The following GATB variants were observed in gnomAD, a reference collection of about 807,000 sequenced individuals.
GATB encodes the protein glutamyl-tRNA(Gln) amidotransferase subunit B, mitochondrial.
GATB carries 39 observed loss-of-function variants against 62.3 expected under a neutral mutation model. The observed-to-expected ratio is 0.63, with a 90% CI of 0.48 to 0.82. GATB has a LOEUF of 0.82. GATB is among the 40% of genes least tolerant of loss of function. GATB has a pLI of 0.00. For missense variants in GATB, 670 were observed against 684.0 expected (o/e 0.98, Z 0.23); for synonymous variants, 276 against 258.9 (o/e 1.07, Z -0.63).
At chr4:151,695,930 ATTTT>A (rs57028979) in intron 9 of GATB, among the ~76,000 whole-genome samples, 1 of 122,850 alleles carries the variant, frequency 8.1e-6, no homozygotes, top group African/African-American at 3.3e-5. Context: ...GCTAATTTAA[ATTTT>A]TTTTTTTTTT....
intron 9 of GATB, among the ~76,000 whole-genome samples, chr4:151,690,925 T>C (rs1020270132): frequency 3.3e-5 from 5 of 152,188 alleles, no homozygotes; most frequent in African/African-American, 1.2e-4. Context: ...CAGGAAATGA[T>C]GGATCAATAA....
At chr4:151,684,546 G>C (rs1230660254) in intron 10 of GATB, among the ~76,000 whole-genome samples, 1 of 152,184 alleles carries the variant, frequency 6.6e-6, no homozygotes, top group Non-Finnish European at 1.5e-5. Flanking sequence ...TAGTTTTGCA[G>C]CTACTGCCCT....
intron 11 of GATB, among the ~76,000 whole-genome samples, chr4:151,678,075 CA>C (rs975546988): frequency 6.6e-6 from 1 of 151,802 alleles, no homozygotes; most frequent in African/African-American, 2.4e-5. Context: ...CCCAGAAAAT[CA>C]GTAATTTCCT....
At position 151,760,963 on chromosome 4, in the gene GATB, C is replaced by A. The variant is rs199634927; in HGVS notation, c.20G>T (p.Arg7Leu). 1.2e-6 allele frequency: 2 copies of A among 1,612,040 alleles called. No individual in the cohort carries two copies. The highest frequency in any genetic ancestry group is 1.1e-5 in the South Asian group (1 of 90,750). ...CCAACGTCTTCCACGGCAGCCCCAG[C>A]GCAGCATGGGCGCCGCCATTGTAAC... Reference protein sequence around the residue: MAAPMLRWGCRGRRWAF... With the variant: MAAPMLLWGCRGRRWAF... The change falls in exon 1 of 13, where the codon CGC becomes CTC. Residue 7 changes from arginine (R) to leucine (L), a missense_variant. Physicochemically the swap from Arg to Leu is moderately radical, Grantham distance 102 (BLOSUM62 -2). Coordinates refer to ENST00000263985, the MANE Select transcript of GATB (RefSeq NM_004564.3).
chr4:151,708,052 C>T lies in GATB; in HGVS notation c.813G>A (p.Glu271=). Reference sequence around the variant, plus strand: ...TCACTTCCGTTCGAACGCCCAAAGGCTCCCCAGGGTGATGCACGGATATAT... The same window carrying T: ...TCACTTCCGTTCGAACGCCCAAAGGTTCCCCAGGGTGATGCACGGATATAT... ...DANISVHHPG[E]PLGVRTEVKN... The change falls in exon 6 of 13, where the codon GAG becomes GAA. Residue 271 remains glutamate, a synonymous_variant. Transcript: ENST00000263985. 6.2e-7 allele frequency: 1 copy of T among 1,614,172 alleles called. No homozygotes were observed. Among genetic ancestry groups the T allele is most frequent in the East Asian group, 2.2e-5 (1 of 44,880 alleles).
chr4:151,690,636 T>C (rs182216577), intron 9 of GATB, among the ~76,000 whole-genome samples: 4 of 152,330 alleles, frequency 2.6e-5, no homozygotes, highest in South Asian at 2.1e-4. Context: ...CCTAGAAATA[T>C]TGCACTTAAA....
chr4:151,734,682 T>G lies in GATB; in HGVS notation c.328-15144A>C, dbSNP rs527661625. ...GGCATCACACTACCTGATTTTAAAC[T>G]ATACTATAAGGCCACAGTCACCAAC... On this transcript the variant is annotated intron_variant, in intron 2 of 12. Transcript: ENST00000263985. Among the ~76,000 whole-genome samples the G allele has an allele frequency of 3.3e-5, 5 of 152,260 alleles. No individual in the cohort carries two copies. The East Asian group carries it at 9.6e-4, about 29-fold the overall frequency.
intron 6 of GATB, among the ~76,000 whole-genome samples, chr4:151,707,277 C>T (rs1246736362): frequency 6.6e-6 from 1 of 152,090 alleles, no homozygotes; most frequent in Non-Finnish European, 1.5e-5. Context: ...CTCAAGTCTG[C>T]TTTGAATTCA....
chr4:151,670,872 T>G lies in GATB; in HGVS notation c.*302A>C, dbSNP rs1737841411. 2 of 286,742 alleles carry G rather than the reference T, an allele frequency of 7.0e-6. No homozygotes were observed. The highest frequency in any genetic ancestry group is 2.1e-5 in the African/African-American group (1 of 47,340). 17.8% of individuals were successfully genotyped at this position (286,742 alleles called of 1,614,324 possible). On this transcript the variant is annotated 3_prime_UTR_variant, in exon 13 of 13. Transcript: ENST00000263985. ...GGTAACAGTATCTCCAACATACATT[T>G]TATTTAGTTTAAAATTCCTTAATAC...
At chr4:151,699,027 G>A (rs1335194112) in intron 9 of GATB, among the ~76,000 whole-genome samples, 1 of 151,430 alleles carries the variant, frequency 6.6e-6, no homozygotes, top group African/African-American at 2.4e-5. Context: ...TTCTTGGAAG[G>A]CAAAAAAAAT....
At position 151,758,794 on chromosome 4, in the gene GATB, G is replaced by A. The variant is rs1420358963; in HGVS notation, c.305C>T (p.Ala102Val). The A allele has an allele frequency of 8.1e-6, 13 of 1,602,600 alleles. No homozygotes were observed. The highest frequency in any genetic ancestry group is 1.1e-5 in the South Asian group (1 of 88,084). Reference sequence around the variant, plus strand: ...TACCGGCAAAGTTCCAGGTAGAGATGCATCAAAAAAAGAAACCAAAGAATT... The same window carrying A: ...TACCGGCAAAGTTCCAGGTAGAGATACATCAAAAAAAGAAACCAAAGAATT... ...PPNSLVSFFD[A>V]SLPGTLPVLN... is the part of the protein sequence containing the mutation. Residue 102 changes from alanine (A) to valine (V), a missense_variant, in exon 2 of 13, where the codon GCA becomes GTA. Ala to Val is a moderately conservative substitution (Grantham distance 64, BLOSUM62 0). Transcript: ENST00000263985.
chr4:151,703,915 A>G lies in GATB; in HGVS notation c.963-20T>C, dbSNP rs1738656365. The G allele has an allele frequency of 6.3e-7, 1 of 1,579,960 alleles. No homozygotes were observed. The highest frequency in any genetic ancestry group is 8.7e-7 in the Non-Finnish European group (1 of 1,149,644). ...GTGCACCTGCAATAGTTAAATAAGA[A>G]AACATTAAACATTGAAAGCAGCACT... On this transcript the variant is annotated intron_variant, in intron 7 of 12. Coordinates refer to ENST00000263985, the MANE Select transcript of GATB (RefSeq NM_004564.3).
chr4:151,672,376 C>G (rs181484520), intron 12 of GATB, among the ~76,000 whole-genome samples: 22 of 152,302 alleles, frequency 1.4e-4, no homozygotes, highest in Admixed American at 1.2e-3. Context: ...TGCCGGCACA[C>G]CTGCTGGTTC....
chr4:151,701,279 C>G (rs1738595683), intron 9 of GATB, 50 bp downstream of exon 9: 1 of 1,434,706 alleles, frequency 7.0e-7, no homozygotes, highest in African/African-American at 1.4e-5. Flanking sequence ...CTGAAGGGCA[C>G]TGCCCCATCT....
chr4:151,688,822 T>C, intron 9 of GATB, 59 bp from the exon 10 acceptor site: 1 of 1,519,336 alleles, frequency 6.6e-7, no homozygotes, highest in Non-Finnish European at 8.8e-7. Context: ...AAGATCAGCA[T>C]TCTGAAGGCA....
At chr4:151,688,177 C>A (rs1267048449) in intron 10 of GATB, among the ~76,000 whole-genome samples, 1 of 152,130 alleles carries the variant, frequency 6.6e-6, no homozygotes, top group Non-Finnish European at 1.5e-5. Flanking sequence ...CACTGCAGAG[C>A]GACTCTCCCC....
intron 10 of GATB, among the ~76,000 whole-genome samples, chr4:151,685,382 C>G (rs1014427603): frequency 6.6e-6 from 1 of 152,332 alleles, no homozygotes; most frequent in Admixed American, 6.5e-5. Flanking sequence ...GGTCATCCCC[C>G]ACACACTGCA....
At chr4:151,675,408 G>C (rs1737978561) in intron 11 of GATB, 1 of 152,308 alleles carries the variant, frequency 6.6e-6, no homozygotes, top group African/African-American at 2.4e-5. Flanking sequence ...TTATACAACA[G>C]ACGCCGGTTG....
At chr4:151,689,929 C>G (rs1394611120) in intron 9 of GATB, among the ~76,000 whole-genome samples, 1 of 152,092 alleles carries the variant, frequency 6.6e-6, no homozygotes, top group Non-Finnish European at 1.5e-5. Context: ...AAAATAAAAA[C>G]TGTGCTGCTC....
Sources: gnomAD v4.1 joint callset for allele counts (sites outside exome capture counted in the v4.1 genomes callset) on GRCh38, gnomAD v4.1.1 for gene constraint, MANE v1.5 for transcripts, NCBI Gene and HGNC (gene_info 2026-07-23, HGNC 2026-07-21) for gene names.